The following SLC17A3 variants were observed in gnomAD, a reference collection of about 807,000 sequenced individuals.
SLC17A3 encodes the protein solute carrier family 17 member 3.
A neutral mutation model predicts 60.3 loss-of-function variants in SLC17A3; 61 were observed. The observed-to-expected ratio is 1.01, with a 90% CI of 0.82 to 1.25. The LOEUF (loss-of-function observed/expected upper bound fraction) is 1.25, where lower values mean the gene tolerates loss of function less well. SLC17A3 is among the 50% of genes most tolerant of loss of function. SLC17A3 has a pLI of 0.00. For missense variants in SLC17A3, 624 were observed against 594.9 expected (o/e 1.05, Z -0.51); for synonymous variants, 192 against 208.9 (o/e 0.92, Z 0.70).
At chr6:25,850,314 C>G (rs1366280123) in intron 8 of SLC17A3, 137 bp from the exon 9 acceptor site, 13 of 1,308,764 alleles carry the variant, frequency 9.9e-6, no homozygotes, top group South Asian at 5.0e-5. Flanking sequence ...TAAATCATAC[C>G]CCAGAAAAGC....
chr6:25,855,600 T>C (rs1765345601), intron 5 of SLC17A3, among the ~76,000 whole-genome samples: 1 of 152,224 alleles, frequency 6.6e-6, no homozygotes, highest in South Asian at 2.1e-4. Flanking sequence ...TAACAATGTG[T>C]TATATAATAC....
intron 2 of SLC17A3, among the ~76,000 whole-genome samples, chr6:25,863,715 C>T (rs986497706): frequency 3.3e-5 from 5 of 152,084 alleles, no homozygotes; most frequent in African/African-American, 9.7e-5. Context: ...GCAGAGCAAG[C>T]CTGGGATTGT....
chr6:25,867,923 A>C (rs1006282240), intron 2 of SLC17A3, among the ~76,000 whole-genome samples: 1 of 151,978 alleles, frequency 6.6e-6, no homozygotes, highest in Non-Finnish European at 1.5e-5. Context: ...AGCTTATGAC[A>C]ATCTTTTTAT....
At chr6:25,862,488 C>G in intron 2 of SLC17A3, 44 bp from the exon 3 acceptor site, 1 of 1,475,634 alleles carries the variant, frequency 6.8e-7, no homozygotes, top group Non-Finnish European at 9.5e-7. Flanking sequence ...TAAAATTGAG[C>G]TAACATTAGT....
intron 11 of SLC17A3, among the ~76,000 whole-genome samples, chr6:25,848,914 C>T (rs1400403114): frequency 6.6e-6 from 1 of 152,082 alleles, no homozygotes; most frequent in Non-Finnish European, 1.5e-5. Flanking sequence ...TAAACAGTCC[C>T]ATCAAAAAGT....
In SLC17A3 at chr6:25,854,847, C is replaced by T. The variant is rs868647850; in HGVS notation, c.712+297G>A. ...CCTACCTGTCTGGATTTCTTCCTTC[C>T]GTGTCTTACCACTGACCTGCAAGCC... On this transcript the variant is annotated intron_variant, in intron 6 of 12. Coordinates refer to ENST00000397060, the MANE Select transcript of SLC17A3 (RefSeq NM_001098486.2). 7.2e-5 allele frequency among the ~76,000 whole-genome samples: 11 copies of T among 152,208 alleles called. 1 individual carries two copies. The highest frequency in any genetic ancestry group is 3.4e-3 in the Middle Eastern group (1 of 294).
intron 6 of SLC17A3, among the ~76,000 whole-genome samples, chr6:25,852,109 G>T (rs1765287608): frequency 6.6e-6 from 1 of 151,664 alleles, no homozygotes; most frequent in South Asian, 2.1e-4. Context: ...ACAGATTTTG[G>T]TTTTTGTTTC....
rs985575533 is a variant in SLC17A3 at position 25,849,708 on chromosome 6, A to G, written c.1271+97T>C. On this transcript the variant is annotated intron_variant, in intron 10 of 12. Coordinates refer to ENST00000397060, the MANE Select transcript of SLC17A3 (RefSeq NM_001098486.2). ...CAGGTCTATCTGTGGTTCTTCCCCT[A>G]TGGTTTATTCATTTCCTAAGTTTGG... 2.2e-5 allele frequency: 31 copies of G among 1,389,350 alleles called. No homozygotes were observed. In the Middle Eastern group the frequency reaches 6.4e-4, roughly 29 times the overall value. The allele number at this position is 1,389,350 out of a possible 1,614,324, so 86.1% of individuals were successfully genotyped here.
chr6:25,850,003 G>A (rs1765245170), intron 9 of SLC17A3, 45 bp downstream of exon 9: 2 of 1,613,840 alleles, frequency 1.2e-6, no homozygotes, highest in African/African-American at 2.7e-5. Context: ...TTCTTTGGCT[G>A]TTGTATGCTA....
intron 1 of SLC17A3, among the ~76,000 whole-genome samples, chr6:25,872,130 G>T (rs542844585): frequency 3.8e-4 from 57 of 151,874 alleles, no homozygotes; most frequent in South Asian, 3.5e-3. Flanking sequence ...TTTTTAAAAG[G>T]TATTATTTTA....
intron 11 of SLC17A3, among the ~76,000 whole-genome samples, chr6:25,848,260 C>A (rs903971241): frequency 3.3e-5 from 5 of 152,176 alleles, no homozygotes; most frequent in Admixed American, 3.3e-4. Flanking sequence ...TGGGTAGAAA[C>A]CCAGTAGTGG....
chr6:25,850,700 A>G, intron 7 of SLC17A3, 59 bp downstream of exon 7: 2 of 1,605,812 alleles, frequency 1.2e-6, no homozygotes, highest in Non-Finnish European at 1.7e-6. Flanking sequence ...TCCAGATTTA[A>G]GGCCTCAAGA....
intron 1 of SLC17A3, among the ~76,000 whole-genome samples, chr6:25,869,252 T>C (rs1366541490): frequency 6.6e-6 from 1 of 151,934 alleles, no homozygotes; most frequent in Non-Finnish European, 1.5e-5. Context: ...AGAATTGTAA[T>C]ATTTGTGCTA....
intron 5 of SLC17A3, among the ~76,000 whole-genome samples, chr6:25,858,557 G>C (rs1431222780): frequency 1.3e-5 from 2 of 152,022 alleles, no homozygotes; most frequent in Admixed American, 6.5e-5. Flanking sequence ...ATTCTCTTCT[G>C]TCTAAGTCCT....
chr6:25,873,901 T>G (rs1181415716), intron 1 of SLC17A3, among the ~76,000 whole-genome samples: 1 of 151,928 alleles, frequency 6.6e-6, no homozygotes, highest in Non-Finnish European at 1.5e-5. Context: ...CTCGCAAGAG[T>G]GCCTATTTCT....
At chr6:25,850,666 C>T in intron 7 of SLC17A3, 46 bp from the exon 8 acceptor site, 1 of 1,612,174 alleles carries the variant, frequency 6.2e-7, no homozygotes, top group African/African-American at 1.3e-5. Flanking sequence ...GACAGATGCT[C>T]ACACACTTAG....
intron 12 of SLC17A3, 32 bp from the exon 13 acceptor site, chr6:25,845,330 C>A: frequency 6.2e-7 from 1 of 1,609,246 alleles, no homozygotes; most frequent in Non-Finnish European, 8.5e-7. Flanking sequence ...GAATTTAAAA[C>A]TTCAGCTGCT....
chr6:25,872,350 A>G (rs997032417), intron 1 of SLC17A3, among the ~76,000 whole-genome samples: 1 of 147,628 alleles, frequency 6.8e-6, no homozygotes, highest in South Asian at 2.1e-4. Context: ...AAAAAAAGGC[A>G]AAGGCTACAA....
Position 25,862,332 on chromosome 6 carries a change from G to T in SLC17A3, c.204C>A (p.Asn68Lys). 4 of 1,613,798 alleles carry T rather than the reference G, an allele frequency of 2.5e-6. No homozygotes were observed. The highest frequency in any genetic ancestry group is 3.4e-6 in the Non-Finnish European group (4 of 1,179,768). The change falls in exon 3 of 13, where the codon AAC becomes AAA. Residue 68 changes from asparagine to lysine, a missense_variant. Asn to Lys is a moderately conservative substitution (Grantham distance 94). Transcript: ENST00000397060. ...IMNITMVAMV[N>K]STSPQSQLND... ...TGAGCTGGGATTGAGGGCTTGTGCTGTTGACCATGGCTACCATGGTGATGT... is the reference window on the plus strand; with the variant it reads ...TGAGCTGGGATTGAGGGCTTGTGCTTTTGACCATGGCTACCATGGTGATGT...
Sources: allele counts gnomAD v4.1 joint callset (sites outside exome capture counted in the v4.1 genomes callset), GRCh38; gene constraint gnomAD v4.1.1; transcripts MANE v1.5; gene names NCBI Gene and HGNC (gene_info 2026-07-23, HGNC 2026-07-21).